The following ZFAND3 variants were observed in gnomAD, a reference collection of about 807,000 sequenced individuals.
ZFAND3 encodes the protein AN1-type zinc finger protein 3.
Under a neutral mutation model 29.6 loss-of-function variants are expected in ZFAND3, and 10 were observed. The ratio of observed to expected loss-of-function variants is 0.34; its 90% CI spans 0.21 to 0.57. The LOEUF is 0.57. ZFAND3 is among the 20% of genes least tolerant of loss of function. The pLI, the probability that ZFAND3 is intolerant of heterozygous loss-of-function variation, is 0.86. For synonymous variants in ZFAND3, 128 were observed against 112.6 expected (o/e 1.14, Z -0.87); for missense variants, 230 against 304.5 (o/e 0.76, Z 1.82).
chr6:37,894,135 G>A (rs1765154520), intron 1 of ZFAND3, among the ~76,000 whole-genome samples: 1 of 151,992 alleles, frequency 6.6e-6, no homozygotes, highest in South Asian at 2.1e-4. Flanking sequence ...GGTGCCTGTA[G>A]TTCCAGCTAC....
intron 2 of ZFAND3, among the ~76,000 whole-genome samples, chr6:38,043,811 T>C (rs1208715392): frequency 1.3e-5 from 2 of 151,834 alleles, no homozygotes; most frequent in Non-Finnish European, 2.9e-5. Context: ...CTTATTTATT[T>C]ATTTATTTAT....
At chr6:37,938,421 T>A in intron 2 of ZFAND3, among the ~76,000 whole-genome samples, 1 of 152,218 alleles carries the variant, frequency 6.6e-6, no homozygotes, top group East Asian at 1.9e-4. Flanking sequence ...TGCCCTAATT[T>A]ATTTATCTAG....
intron 1 of ZFAND3, among the ~76,000 whole-genome samples, chr6:37,821,305 A>G (rs1201085629): frequency 2.0e-5 from 3 of 152,358 alleles, no homozygotes; most frequent in South Asian, 2.1e-4. Context: ...GCCTTTCTCA[A>G]AAATTTCCCT....
chr6:38,027,862 C>T (rs1763479081), intron 2 of ZFAND3, among the ~76,000 whole-genome samples: 1 of 152,178 alleles, frequency 6.6e-6, no homozygotes, highest in African/African-American at 2.4e-5. Context: ...TTCATTTGAG[C>T]ACAAGTGCTC....
intron 5 of ZFAND3, among the ~76,000 whole-genome samples, chr6:38,119,425 T>A (rs1027772576): frequency 3.9e-5 from 6 of 152,232 alleles, no homozygotes; most frequent in Non-Finnish European, 7.3e-5. Context: ...AATCTTTTTT[T>A]AAATATATAT....
chr6:38,154,611 C>G lies in ZFAND3; in HGVS notation c.*2222C>G, dbSNP rs1766314214. 1 of 953,406 alleles carries G rather than the reference C, an allele frequency of 1.0e-6. No individual in the cohort carries two copies. The highest frequency in any genetic ancestry group is 1.2e-6 in the Non-Finnish European group (1 of 800,752). The allele number at this position is 953,406 out of a possible 1,614,324, so 59.1% of individuals were successfully genotyped here. ...TCTCCTGCTGAAAAAAAAAATTAAACCAATCGTATGAAAGTTTGGTTTTCT... is the reference window on the plus strand; with the variant it reads ...TCTCCTGCTGAAAAAAAAAATTAAAGCAATCGTATGAAAGTTTGGTTTTCT... On this transcript the variant is annotated 3_prime_UTR_variant, in exon 6 of 6. Transcript: ENST00000287218.
Position 37,943,127 on chromosome 6 carries a change from T to C in ZFAND3, c.112+13128T>C, listed in dbSNP as rs559632842. Among the ~76,000 whole-genome samples the C allele has an allele frequency of 3.3e-5, 5 of 152,236 alleles. 1 individual carries two copies. In the South Asian group the frequency reaches 1.0e-3, roughly 32 times the overall value. ...GTTTCTAGAAAAATGATGTCTGTAG[T>C]AGAGGAGGCCAGTTAATTGGACTAA... On this transcript the variant is annotated intron_variant, in intron 2 of 5. Transcript: ENST00000287218.
intron 2 of ZFAND3, among the ~76,000 whole-genome samples, chr6:38,013,481 AT>A (rs1205330786): frequency 4.6e-5 from 7 of 152,142 alleles, no homozygotes; most frequent in African/African-American, 1.7e-4. Flanking sequence ...TGTATTGCCT[AT>A]TTCCTAGCTT....
At chr6:37,899,549 C>A (rs919593224) in intron 1 of ZFAND3, among the ~76,000 whole-genome samples, 2 of 152,050 alleles carry the variant, frequency 1.3e-5, no homozygotes, top group Non-Finnish European at 2.9e-5. Context: ...TTCATTTGTC[C>A]AATTTAGATG....
chr6:38,067,509 C>T (rs1239369663), intron 3 of ZFAND3, among the ~76,000 whole-genome samples: 3 of 152,202 alleles, frequency 2.0e-5, no homozygotes, highest in African/African-American at 7.2e-5. Flanking sequence ...AAGGACATTG[C>T]ATGCAAATTA....
chr6:38,063,899 T>A (rs1045144835), intron 3 of ZFAND3, among the ~76,000 whole-genome samples: 2 of 152,012 alleles, frequency 1.3e-5, no homozygotes, highest in Non-Finnish European at 2.9e-5. Flanking sequence ...AAGAATTTTT[T>A]AAATATTATA....
chr6:38,100,833 T>C (rs1429959367), intron 4 of ZFAND3, among the ~76,000 whole-genome samples: 1 of 152,252 alleles, frequency 6.6e-6, no homozygotes, highest in Non-Finnish European at 1.5e-5. Context: ...TAACATTTTA[T>C]CACATTGGCC....
chr6:37,883,295 G>A (rs1023094629), intron 1 of ZFAND3, among the ~76,000 whole-genome samples: 3 of 152,122 alleles, frequency 2.0e-5, no homozygotes, highest in Non-Finnish European at 4.4e-5. Flanking sequence ...GTCACACATA[G>A]TACAAGCAGT....
intron 1 of ZFAND3, among the ~76,000 whole-genome samples, chr6:37,865,378 C>T (rs115466900): frequency 0.022 from 3,378 of 152,060 alleles, 82 homozygotes; most frequent in African/African-American, 0.063. Context: ...TTTCTTTTTC[C>T]GAATATTTTC....
intron 5 of ZFAND3, among the ~76,000 whole-genome samples, chr6:38,128,932 G>GT (rs1435803539): frequency 6.6e-6 from 1 of 152,028 alleles, no homozygotes; most frequent in Non-Finnish European, 1.5e-5. Context: ...GTTTTCCATA[G>GT]TAGTTGTACC....
chr6:38,055,125 G>A (rs1229225180), intron 2 of ZFAND3, among the ~76,000 whole-genome samples: 2 of 152,166 alleles, frequency 1.3e-5, no homozygotes, highest in Admixed American at 6.6e-5. Context: ...AAACTCTTGA[G>A]ATATGGGAAA....
At chr6:38,068,736 G>A (rs1308937425) in intron 3 of ZFAND3, among the ~76,000 whole-genome samples, 4 of 152,168 alleles carry the variant, frequency 2.6e-5, no homozygotes. Context: ...TACAGAAAAA[G>A]TGAGAACCAT....
intron 1 of ZFAND3, among the ~76,000 whole-genome samples, chr6:37,915,279 C>A (rs1409899907): frequency 6.6e-6 from 1 of 152,166 alleles, no homozygotes. Context: ...CTGGTTTGAT[C>A]TTCTGTCTTG....
intron 2 of ZFAND3, among the ~76,000 whole-genome samples, chr6:37,942,603 G>A (rs1761831637): frequency 6.6e-6 from 1 of 152,078 alleles, no homozygotes; most frequent in African/African-American, 2.4e-5. Flanking sequence ...AAATTATGAA[G>A]GTGAATGTAA....
Sources: gnomAD v4.1 joint callset for allele counts (sites outside exome capture counted in the v4.1 genomes callset) on GRCh38, gnomAD v4.1.1 for gene constraint, MANE v1.5 for transcripts, NCBI Gene and HGNC (gene_info 2026-07-23, HGNC 2026-07-21) for gene names.